Variants in SLC35D1 observed in about 807,000 individuals in gnomAD.
SLC35D1 encodes the protein nucleotide sugar transporter SLC35D1.
A neutral mutation model predicts 46.7 loss-of-function variants in SLC35D1; 31 were observed. That is an observed-to-expected ratio of 0.66 (90% confidence interval 0.50 to 0.90). The LOEUF (loss-of-function observed/expected upper bound fraction) is 0.90. SLC35D1 is among the 40% of genes least tolerant of loss of function. The pLI, the probability that SLC35D1 is intolerant of heterozygous loss-of-function variation, is 0.00. For synonymous variants in SLC35D1, 195 were observed against 164.6 expected (o/e 1.18, Z -1.41); for missense variants, 397 against 426.2 (o/e 0.93, Z 0.60).
chr1:66,975,219 C>A, the SLC35D1 span, among the ~76,000 whole-genome samples: 1 of 152,128 alleles, frequency 6.6e-6, no homozygotes, highest in African/African-American at 2.4e-5. Context: ...CATACAGACA[C>A]TGGATTTCCT....
chr1:66,995,118 C>A (rs1017786602), downstream of SLC35D1, among the ~76,000 whole-genome samples: 2 of 152,112 alleles, frequency 1.3e-5, no homozygotes, highest in African/African-American at 4.8e-5. Context: ...TCTGCCCTTC[C>A]GTGATCCCCA....
At chr1:67,013,157 G>GATAGAT (rs1553264879) in intron 10 of SLC35D1, among the ~76,000 whole-genome samples, 3 of 29,814 alleles carry the variant, frequency 1.0e-4, no homozygotes, top group African/African-American at 5.4e-4. Flanking sequence ...ATATCCTGGA[G>GATAGAT]ATATATATAT....
the SLC35D1 span, among the ~76,000 whole-genome samples, chr1:66,993,286 TAGAA>T: frequency 5.9e-5 from 9 of 152,206 alleles, no homozygotes; most frequent in African/African-American, 2.2e-4. Context: ...CTTCCAGTAG[TAGAA>T]ACTATTACCA....
At chr1:67,027,282 G>T (rs1273867366) in intron 8 of SLC35D1, among the ~76,000 whole-genome samples, 4 of 150,932 alleles carry the variant, frequency 2.7e-5, no homozygotes, top group Non-Finnish European at 5.9e-5. Context: ...TCACTTTTTG[G>T]CCTGATTAAT....
the SLC35D1 span, among the ~76,000 whole-genome samples, chr1:66,977,215 T>G: frequency 6.6e-6 from 1 of 152,236 alleles, no homozygotes; most frequent in African/African-American, 2.4e-5. Flanking sequence ...CTTCAAGCGA[T>G]TGTCCTGCCT....
chr1:67,042,908 A>G (rs560745027), intron 7 of SLC35D1, among the ~76,000 whole-genome samples: 1 of 152,312 alleles, frequency 6.6e-6, no homozygotes, highest in East Asian at 1.9e-4. Flanking sequence ...TACAAAAAAT[A>G]CAAAAACAGC....
At chr1:66,985,383 TTGAG>T in the SLC35D1 span, 1 of 984,322 alleles carries the variant, frequency 1.0e-6, no homozygotes, top group Non-Finnish European at 1.2e-6. Flanking sequence ...ACCAAACAGT[TTGAG>T]TATCTTTATT....
chr1:66,985,513 T>C, the SLC35D1 span: 1 of 984,100 alleles, frequency 1.0e-6, no homozygotes, highest in South Asian at 4.7e-5. Flanking sequence ...CAATGATGTC[T>C]TTCCATATTC....
the SLC35D1 span, among the ~76,000 whole-genome samples, chr1:66,993,622 A>G: frequency 6.6e-6 from 1 of 152,218 alleles, no homozygotes. Flanking sequence ...TAGGCTTTAC[A>G]GAAAGGCAAA....
intron 8 of SLC35D1, among the ~76,000 whole-genome samples, chr1:67,039,411 C>T (rs2102337350): frequency 6.6e-6 from 1 of 152,098 alleles, no homozygotes; most frequent in Non-Finnish European, 1.5e-5. Context: ...TCCTGTTCTA[C>T]TTACCCTGTT....
At chr1:67,005,115 A>C (rs1667420227) in intron 11 of SLC35D1, among the ~76,000 whole-genome samples, 1 of 152,094 alleles carries the variant, frequency 6.6e-6, no homozygotes, top group Non-Finnish European at 1.5e-5. Context: ...GCAGCCTCCT[A>C]CCCGATTCAC....
At position 67,053,975 on chromosome 1, in the gene SLC35D1, T is replaced by C. The variant is rs1413106260; in HGVS notation, c.39A>G (p.Lys13=). ...EVHRRQHARV[K]GEAPAKSSTL... ...TGGAGGATTTCGCGGGGGCTTCTCC[T>C]TTAACCCGAGCATGCTGACGTCTAT... Residue 13 remains lysine, a synonymous_variant, in exon 1 of 12, where the codon AAA becomes AAG. Coordinates refer to ENST00000235345, the MANE Select transcript of SLC35D1 (RefSeq NM_015139.3). 1 of 1,613,336 alleles carries C rather than the reference T, an allele frequency of 6.2e-7. No homozygotes were observed. Among genetic ancestry groups the C allele is most frequent in the African/African-American group, 1.3e-5 (1 of 75,016 alleles).
downstream of SLC35D1, among the ~76,000 whole-genome samples, chr1:66,994,425 C>G (rs1667217552): frequency 6.6e-6 from 1 of 152,092 alleles, no homozygotes; most frequent in Non-Finnish European, 1.5e-5. Context: ...CGGGTGATCA[C>G]TTGAGGTCAG....
intron 8 of SLC35D1, among the ~76,000 whole-genome samples, chr1:67,024,468 G>T (rs769210911): frequency 6.6e-6 from 1 of 152,126 alleles, no homozygotes. Flanking sequence ...TGCTAGAGCT[G>T]CCATAACAAA....
At chr1:66,992,404 C>T in the SLC35D1 span, among the ~76,000 whole-genome samples, 2 of 152,152 alleles carry the variant, frequency 1.3e-5, no homozygotes, top group Non-Finnish European at 2.9e-5. Flanking sequence ...GCAGAGCAAC[C>T]GGAAGCCTAT....
intron 8 of SLC35D1, among the ~76,000 whole-genome samples, chr1:67,027,159 T>C: frequency 6.6e-6 from 1 of 152,220 alleles, no homozygotes; most frequent in Non-Finnish European, 1.5e-5. Context: ...GTCTCAGTTG[T>C]CAAGTTTATT....
chr1:67,050,542 A>C (rs532497037), intron 4 of SLC35D1, 38 bp from the exon 5 acceptor site: 1 of 1,549,062 alleles, frequency 6.5e-7, no homozygotes, highest in South Asian at 1.1e-5. Flanking sequence ...AATAGAATTT[A>C]ACAATTTGTT....
chr1:66,976,592 C>T, the SLC35D1 span: 377,664 of 1,558,706 alleles, frequency 0.24, 48,369 homozygotes, highest in Non-Finnish European at 0.26. Context: ...TTGTTTCTTA[C>T]AGGTCCGAAC....
Position 67,042,247 on chromosome 1 carries a change from C to T in SLC35D1, c.718G>A (p.Asp240Asn). ...PTLAIAYFTGDAQKAVEFEGW... is the reference protein window; with the variant it reads ...PTLAIAYFTGNAQKAVEFEGW... ...TTAGAAAGTCCTACCTTTTGTGCAT[C>T]TCCTGTGAAATACGCAATGGCCAGG... Residue 240 changes from aspartate (D) to asparagine (N), a missense_variant, in exon 8 of 12, where the codon GAT (aspartate) becomes AAT (asparagine). Transcript: ENST00000235345. 6.2e-7 allele frequency: 1 copy of T among 1,613,994 alleles called. No individual in the cohort carries two copies. The highest frequency in any genetic ancestry group is 8.5e-7 in the Non-Finnish European group (1 of 1,179,876).
Sources: allele counts gnomAD v4.1 joint callset (sites outside exome capture counted in the v4.1 genomes callset), GRCh38; gene constraint gnomAD v4.1.1; transcripts MANE v1.5; gene names NCBI Gene and HGNC (gene_info 2026-07-23, HGNC 2026-07-21).